CADM2: variants seen among roughly 807,000 people sequenced by gnomAD.
CADM2 encodes immunoglobulin superfamily member 4D.
CADM2 carries 12 observed loss-of-function variants against 49.8 expected under a neutral mutation model. That is an observed-to-expected ratio of 0.24 (90% CI 0.15 to 0.39). The LOEUF is 0.39. Among genes scored for constraint, CADM2 ranks in the 10% least tolerant of loss-of-function variants. The pLI is 1.00. For synonymous variants in CADM2, 214 were observed against 175.4 expected (o/e 1.22, Z -1.74); for missense variants, 378 against 492.3 (o/e 0.77, Z 2.20).
chr3:85,427,992 G>C (rs2036491348), intron 1 of CADM2, among the ~76,000 whole-genome samples: 1 of 151,952 alleles, frequency 6.6e-6, no homozygotes, highest in South Asian at 2.1e-4. Context: ...CTCAGGGATG[G>C]CTTTTGCATT....
At chr3:85,176,380 A>C (rs2040787674) in intron 1 of CADM2, among the ~76,000 whole-genome samples, 1 of 152,206 alleles carries the variant, frequency 6.6e-6, no homozygotes, top group South Asian at 2.1e-4. Context: ...GTATAAACTA[A>C]AGCAAAAATA....
chr3:85,542,688 T>A (rs1450348658), intron 1 of CADM2, among the ~76,000 whole-genome samples: 1 of 152,150 alleles, frequency 6.6e-6, no homozygotes, highest in Non-Finnish European at 1.5e-5. Context: ...CTCCACCTAC[T>A]GCAAAAAGAA....
chr3:85,661,637 T>C lies in CADM2; in HGVS notation c.62-64885T>C, dbSNP rs9844796. Among the ~76,000 whole-genome samples, 1,036 of 152,174 alleles carry C rather than the reference T, an allele frequency of 6.8e-3. 12 individuals are homozygous for C. The highest frequency in any genetic ancestry group is 0.024 in the African/African-American group (997 of 41,542). ...TCTTTTTTTTCTCCCCTAAGTATTTTTCATCTCAACTTTATATAAAGGGGA... is the reference window on the plus strand; with the variant it reads ...TCTTTTTTTTCTCCCCTAAGTATTTCTCATCTCAACTTTATATAAAGGGGA... On this transcript the variant is annotated intron_variant, in intron 1 of 9. Coordinates refer to ENST00000383699, the MANE Select transcript of CADM2 (RefSeq NM_001167675.2).
At chr3:86,018,071 C>T (rs1732559985) in intron 8 of CADM2, among the ~76,000 whole-genome samples, 1 of 121,242 alleles carries the variant, frequency 8.2e-6, no homozygotes, top group Admixed American at 8.8e-5. Context: ...TATTCCCCTT[C>T]CTGTGTCCAT....
chr3:85,109,935 A>G (rs186972611), intron 1 of CADM2, among the ~76,000 whole-genome samples: 2 of 152,036 alleles, frequency 1.3e-5, no homozygotes, highest in East Asian at 3.9e-4. Flanking sequence ...GAACTGTATC[A>G]AAACGCTTGT....
At chr3:85,316,907 G>T (rs1018380618) in intron 1 of CADM2, among the ~76,000 whole-genome samples, 4 of 152,160 alleles carry the variant, frequency 2.6e-5, no homozygotes, top group Admixed American at 1.3e-4. Flanking sequence ...GGTTCCAGGG[G>T]TCTAGATGTG....
At chr3:85,267,478 C>A (rs2043146980) in intron 1 of CADM2, among the ~76,000 whole-genome samples, 1 of 151,712 alleles carries the variant, frequency 6.6e-6, no homozygotes, top group African/African-American at 2.4e-5. Flanking sequence ...GAGCAGAAAC[C>A]CACCATATTT....
intron 1 of CADM2, among the ~76,000 whole-genome samples, chr3:85,611,183 A>T (rs1264524506): frequency 1.3e-5 from 2 of 151,992 alleles, no homozygotes; most frequent in African/African-American, 4.8e-5. Context: ...GTTTTGAATA[A>T]AGTGAAAATC....
At chr3:85,357,886 C>G (rs894000789) in intron 1 of CADM2, among the ~76,000 whole-genome samples, 1 of 152,018 alleles carries the variant, frequency 6.6e-6, no homozygotes, top group African/African-American at 2.4e-5. Flanking sequence ...TAAAACAGAA[C>G]GCTAACCAGG....
intron 1 of CADM2, among the ~76,000 whole-genome samples, chr3:85,200,828 A>C (rs2107745272): frequency 6.6e-6 from 1 of 152,294 alleles, no homozygotes; most frequent in East Asian, 1.9e-4. Flanking sequence ...AATTAACTCC[A>C]GTTCCTATAG....
intron 3 of CADM2, among the ~76,000 whole-genome samples, chr3:85,869,278 C>T (rs1483355641): frequency 6.6e-6 from 1 of 152,072 alleles, no homozygotes; most frequent in Non-Finnish European, 1.5e-5. Context: ...GACAGCCCTT[C>T]ACTAAGCAAT....
chr3:85,915,131 A>G (rs1220477905), intron 6 of CADM2, among the ~76,000 whole-genome samples: 1 of 152,154 alleles, frequency 6.6e-6, no homozygotes, highest in Admixed American at 6.6e-5. Flanking sequence ...CTACTTTGGA[A>G]ATCAAAAATG....
chr3:85,212,328 T>C (rs2107770582), intron 1 of CADM2, among the ~76,000 whole-genome samples: 1 of 152,296 alleles, frequency 6.6e-6, no homozygotes, highest in Non-Finnish European at 1.5e-5. Context: ...TGTTTTCTGG[T>C]TGTCCTGTGG....
At chr3:85,874,790 C>T (rs565100281) in intron 3 of CADM2, among the ~76,000 whole-genome samples, 1 of 152,204 alleles carries the variant, frequency 6.6e-6, no homozygotes, top group Admixed American at 6.5e-5. Context: ...AAAATATTCA[C>T]AAACTTTTAT....
At chr3:85,021,751 G>A (rs2107294583) in intron 1 of CADM2, among the ~76,000 whole-genome samples, 1 of 152,134 alleles carries the variant, frequency 6.6e-6, no homozygotes, top group South Asian at 2.1e-4. Context: ...CTTCAGCCTG[G>A]GTGACAAGGG....
At chr3:86,006,416 A>T (rs1178465851) in intron 8 of CADM2, among the ~76,000 whole-genome samples, 1 of 152,142 alleles carries the variant, frequency 6.6e-6, no homozygotes, top group Non-Finnish European at 1.5e-5. Flanking sequence ...TCCCTTCTCC[A>T]CCAACAGATA....
chr3:85,198,999 T>G (rs1418350741), intron 1 of CADM2, among the ~76,000 whole-genome samples: 1 of 151,938 alleles, frequency 6.6e-6, no homozygotes, highest in African/African-American at 2.4e-5. Flanking sequence ...TATGTGCTTA[T>G]TTTTCCTCCG....
intron 3 of CADM2, among the ~76,000 whole-genome samples, chr3:85,871,426 G>C (rs924821840): frequency 6.6e-6 from 1 of 152,060 alleles, no homozygotes; most frequent in African/African-American, 2.4e-5. Flanking sequence ...GTAATTATTA[G>C]CTAGGAAGTT....
intron 2 of CADM2, among the ~76,000 whole-genome samples, chr3:85,777,740 C>T (rs2070430001): frequency 6.6e-6 from 1 of 152,154 alleles, no homozygotes; most frequent in Non-Finnish European, 1.5e-5. Flanking sequence ...ACTCAGTCTT[C>T]AATAAGTACT....
Sources: allele counts gnomAD v4.1 joint callset (sites outside exome capture counted in the v4.1 genomes callset), GRCh38; gene constraint gnomAD v4.1.1; transcripts MANE v1.5; gene names NCBI Gene and HGNC (gene_info 2026-07-23, HGNC 2026-07-21).